Variants in FAM13A observed in about 807,000 individuals in gnomAD.
FAM13A encodes the protein family with sequence similarity 13 member A.
Under a neutral mutation model 129.6 loss-of-function variants are expected in FAM13A, and 76 were observed. The ratio of observed to expected loss-of-function variants is 0.59; its 90% CI spans 0.49 to 0.71. FAM13A has a LOEUF of 0.71. Ranked by LOEUF, FAM13A falls within the 30% of genes least tolerant of loss-of-function variation. FAM13A has a pLI of 0.00. For missense variants in FAM13A, 1,108 were observed against 1,249.3 expected (o/e 0.89, Z 1.70); for synonymous variants, 443 against 449.9 (o/e 0.98, Z 0.20).
rs548190501 is a variant in FAM13A at position 88,746,830 on chromosome 4, A to C, written c.2466+102T>G. The C allele has an allele frequency of 1.4e-5, 11 of 769,462 alleles. No individual in the cohort carries two copies. The African/African-American group carries it at 1.6e-4, about 11-fold the overall frequency. 47.7% of individuals were successfully genotyped at this position (769,462 alleles called of 1,614,324 possible). The stretch of plus-strand genomic sequence containing the variant: ...CCTCCTTTATCCTAAAAGTAAAGCA[A>C]GCAAACATTAGGGAACCCCATTTGT... On this transcript the variant is annotated intron_variant, in intron 19 of 23. Transcript: ENST00000264344.
chr4:89,040,993 C>G (rs545193649), intron 1 of FAM13A, among the ~76,000 whole-genome samples: 18 of 152,304 alleles, frequency 1.2e-4, no homozygotes, highest in Admixed American at 4.6e-4. Context: ...AGTTCTTCAG[C>G]TTTTGGACCC....
intron 7 of FAM13A, among the ~76,000 whole-genome samples, chr4:88,806,136 G>A (rs1728509232): frequency 6.6e-6 from 1 of 151,942 alleles, no homozygotes; most frequent in South Asian, 2.1e-4. Context: ...CATAAAACTT[G>A]CTTTTCAGTG....
At chr4:88,731,811 G>A (rs925237990) in intron 22 of FAM13A, 191 bp downstream of exon 22, 2 of 544,480 alleles carry the variant, frequency 3.7e-6, no homozygotes, top group African/African-American at 3.8e-5. Context: ...AGACTCAAAA[G>A]TTCCCTCAAA....
At chr4:88,758,964 G>A (rs1744264369) in intron 13 of FAM13A, 63 bp from the exon 14 acceptor site, 2 of 1,525,720 alleles carry the variant, frequency 1.3e-6, no homozygotes, top group East Asian at 4.5e-5. Context: ...GACGTCTGCA[G>A]CAATTCCACT....
chr4:88,731,290 C>CG lies in FAM13A; in HGVS notation c.2945+36dup, dbSNP rs770054139. The CG allele has an allele frequency of 1.4e-3, 1,068 of 741,190 alleles. 4 individuals are homozygous for CG. The African/African-American group carries it at 0.033, about 23-fold the overall frequency. 45.9% of individuals were successfully genotyped at this position (741,190 alleles called of 1,614,324 possible). A position where few individuals can be genotyped will look rare whatever the true frequency, so the allele number is the denominator to read the frequency against. ...AGAGGGATGGGTGTGTGTGGTGCGG[C>CG]GGGGGGGAAGGGAGGGTGGGGGAAG... On this transcript the variant is annotated intron_variant, in intron 23 of 23. Coordinates refer to ENST00000264344, the MANE Select transcript of FAM13A (RefSeq NM_014883.4).
chr4:88,732,508 A>G, intron 21 of FAM13A: 1 of 208,502 alleles, frequency 4.8e-6, no homozygotes, highest in Non-Finnish European at 9.4e-6. Flanking sequence ...ATAATTTATA[A>G]CCTAAATCAG....
At chr4:88,884,023 A>G (rs978808854) in intron 6 of FAM13A, among the ~76,000 whole-genome samples, 4 of 152,020 alleles carry the variant, frequency 2.6e-5, no homozygotes, top group African/African-American at 7.2e-5. Flanking sequence ...CTAATTAAAA[A>G]TTGCCAAAAA....
intron 6 of FAM13A, among the ~76,000 whole-genome samples, chr4:88,886,315 G>A (rs892293305): frequency 6.6e-6 from 1 of 152,222 alleles, no homozygotes; most frequent in Non-Finnish European, 1.5e-5. Context: ...GTGGCTGGGT[G>A]TGGTGGCTCA....
At chr4:89,014,328 G>A (rs1271223209) in intron 3 of FAM13A, among the ~76,000 whole-genome samples, 1 of 152,100 alleles carries the variant, frequency 6.6e-6, no homozygotes, top group Non-Finnish European at 1.5e-5. Context: ...CACTATGACA[G>A]CCATCACTCA....
At chr4:89,024,272 G>C (rs1215746414) in intron 2 of FAM13A, among the ~76,000 whole-genome samples, 4 of 152,094 alleles carry the variant, frequency 2.6e-5, no homozygotes, top group African/African-American at 9.7e-5. Flanking sequence ...GTGGTGACTT[G>C]AGACTCTACA....
chr4:89,004,231 C>T (rs1764684779), intron 3 of FAM13A, among the ~76,000 whole-genome samples: 2 of 152,182 alleles, frequency 1.3e-5, no homozygotes, highest in African/African-American at 2.4e-5. Flanking sequence ...CTCCACCTCT[C>T]GGATTCAAAT....
intron 4 of FAM13A, among the ~76,000 whole-genome samples, chr4:88,951,723 C>T (rs1756982631): frequency 6.6e-6 from 1 of 152,190 alleles, no homozygotes; most frequent in Non-Finnish European, 1.5e-5. Flanking sequence ...TTCTGTTCCT[C>T]TCTCCCATCA....
At chr4:88,886,831 C>T (rs1319824957) in intron 6 of FAM13A, among the ~76,000 whole-genome samples, 2 of 151,364 alleles carry the variant, frequency 1.3e-5, no homozygotes, top group Non-Finnish European at 2.9e-5. Flanking sequence ...CACTTGAACC[C>T]GGGAGGTGGA....
intron 19 of FAM13A, among the ~76,000 whole-genome samples, chr4:88,744,062 CA>C (rs967980909): frequency 3.8e-4 from 58 of 152,196 alleles, no homozygotes; most frequent in African/African-American, 1.4e-3. Flanking sequence ...TCAGAAAATC[CA>C]AAACAGCAGC....
chr4:88,957,675 A>G (rs942354169), intron 4 of FAM13A, among the ~76,000 whole-genome samples: 2 of 152,202 alleles, frequency 1.3e-5, no homozygotes, highest in African/African-American at 4.8e-5. Flanking sequence ...GAAGACAAGG[A>G]AATGTATGGA....
intron 11 of FAM13A, 89 bp downstream of exon 11, chr4:88,781,076 A>C: frequency 1.1e-6 from 1 of 884,314 alleles, no homozygotes; most frequent in African/African-American, 1.7e-5. Flanking sequence ...AAACTGAAAG[A>C]CTGAAATTAC....
In FAM13A at chr4:88,883,562, G is replaced by A. The variant is rs575521953; in HGVS notation, c.843+22817C>T. Among the ~76,000 whole-genome samples, 103 of 152,066 alleles carry A rather than the reference G, an allele frequency of 6.8e-4. 1 individual carries two copies. The highest frequency in any genetic ancestry group is 2.5e-3 in the African/African-American group (103 of 41,506). On this transcript the variant is annotated intron_variant, in intron 6 of 23. Transcript: ENST00000264344. ...CTTAAATGCCTACATCAAAAAGTCT[G>A]AAAGAGAACAAAGAGACAATCTAAG...
intron 7 of FAM13A, among the ~76,000 whole-genome samples, chr4:88,836,032 T>C (rs1309471618): frequency 6.6e-6 from 1 of 152,184 alleles, no homozygotes; most frequent in Non-Finnish European, 1.5e-5. Flanking sequence ...AATTATACAG[T>C]ATATGTTCAT....
At chr4:88,917,271 G>A (rs1045321580) in intron 5 of FAM13A, among the ~76,000 whole-genome samples, 8 of 151,910 alleles carry the variant, frequency 5.3e-5, no homozygotes, top group Non-Finnish European at 8.8e-5. Flanking sequence ...AGATCATATG[G>A]CAAGGGGGAG....
Sources: gnomAD v4.1 joint callset for allele counts (sites outside exome capture counted in the v4.1 genomes callset) on GRCh38, gnomAD v4.1.1 for gene constraint, MANE v1.5 for transcripts, NCBI Gene and HGNC (gene_info 2026-07-23, HGNC 2026-07-21) for gene names.